Variants in PRSS38 observed in about 807,000 individuals in gnomAD.
PRSS38 encodes the protein serine protease 38, also known as marapsin 2.
A neutral mutation model predicts 26.8 loss-of-function variants in PRSS38; 22 were observed. The ratio of observed to expected loss-of-function variants is 0.82; its 90% confidence interval spans 0.59 to 1.17. PRSS38 has a LOEUF of 1.17. Among genes scored for constraint, PRSS38 ranks in the 50% most tolerant of loss-of-function variants. The pLI, the probability that PRSS38 is intolerant of heterozygous loss-of-function variation, is 0.00. For missense variants in PRSS38, 427 were observed against 422.7 expected (o/e 1.01, Z -0.09); for synonymous variants, 175 against 172.1 (o/e 1.02, Z -0.13).
chr1:227,832,764 A>G (rs936346277), intron 3 of PRSS38, among the ~76,000 whole-genome samples: 2 of 152,214 alleles, frequency 1.3e-5, no homozygotes, highest in African/African-American at 2.4e-5. Flanking sequence ...GAAAATCCCA[A>G]TGAATCCTAA....
At chr1:227,843,234 A>C (rs976610742) in intron 3 of PRSS38, among the ~76,000 whole-genome samples, 1 of 152,232 alleles carries the variant, frequency 6.6e-6, no homozygotes, top group Non-Finnish European at 1.5e-5. Flanking sequence ...GCTCCAGTCA[A>C]GGCCAGAAAA....
chr1:227,833,143 T>C (rs139494887), intron 3 of PRSS38, among the ~76,000 whole-genome samples: 50 of 152,308 alleles, frequency 3.3e-4, no homozygotes, highest in African/African-American at 1.1e-3. Flanking sequence ...CTTATCAAGA[T>C]ACCAATGCCC....
chr1:227,834,125 A>G (rs1665202617), intron 3 of PRSS38, among the ~76,000 whole-genome samples: 1 of 152,138 alleles, frequency 6.6e-6, no homozygotes, highest in South Asian at 2.1e-4. Context: ...TCTGGCAACC[A>G]CAAGAAGCTA....
exon 1 of PRSS38, chr1:227,815,803 G>T (rs1664901634): frequency 6.2e-7 from 1 of 1,612,300 alleles, no homozygotes; most frequent in Admixed American, 1.7e-5. Flanking sequence ...CCCCTCCCCG[G>T]GTCGCAGCAT....
chr1:227,841,730 A>C (rs1320099277), intron 3 of PRSS38, among the ~76,000 whole-genome samples: 1 of 152,028 alleles, frequency 6.6e-6, no homozygotes, highest in Non-Finnish European at 1.5e-5. Flanking sequence ...AGGACCACCC[A>C]CCTCCCAGTA....
intron 3 of PRSS38, among the ~76,000 whole-genome samples, chr1:227,822,141 TC>T (rs1665012115): frequency 6.6e-6 from 1 of 152,176 alleles, no homozygotes; most frequent in Admixed American, 6.6e-5. Context: ...AGTTTTCATT[TC>T]CATTATTTGC....
chr1:227,836,931 C>T (rs778962818), intron 3 of PRSS38, among the ~76,000 whole-genome samples: 2 of 152,234 alleles, frequency 1.3e-5, no homozygotes, highest in Non-Finnish European at 2.9e-5. Context: ...ATTCCAGATA[C>T]TATATTTCAT....
At chr1:227,818,571 A>G (rs558948245) in intron 3 of PRSS38, among the ~76,000 whole-genome samples, 2 of 150,590 alleles carry the variant, frequency 1.3e-5, no homozygotes, top group East Asian at 4.0e-4. Context: ...CCAGCTACTC[A>G]GGAGGCTAAC....
At chr1:227,837,836 C>T (rs1303035064) in intron 3 of PRSS38, among the ~76,000 whole-genome samples, 1 of 152,164 alleles carries the variant, frequency 6.6e-6, no homozygotes, top group Non-Finnish European at 1.5e-5. Context: ...GTAGGAGTTT[C>T]TTTATATATT....
At chr1:227,832,707 G>A (rs964064844) in intron 3 of PRSS38, among the ~76,000 whole-genome samples, 2 of 152,154 alleles carry the variant, frequency 1.3e-5, no homozygotes, top group African/African-American at 2.4e-5. Flanking sequence ...TGGAAATGCA[G>A]AAGTAAAACT....
intron 3 of PRSS38, among the ~76,000 whole-genome samples, chr1:227,829,045 G>A (rs1049996033): frequency 2.0e-5 from 3 of 152,138 alleles, no homozygotes; most frequent in Admixed American, 6.5e-5. Context: ...GGTCCATGTG[G>A]CTCCTGGGCA....
intron 3 of PRSS38, among the ~76,000 whole-genome samples, chr1:227,828,475 C>A (rs1215654713): frequency 6.6e-6 from 1 of 152,166 alleles, no homozygotes; most frequent in African/African-American, 2.4e-5. Flanking sequence ...GTGAGCCTCA[C>A]CTCCATGGCA....
intron 3 of PRSS38, among the ~76,000 whole-genome samples, chr1:227,828,295 G>A (rs1262202617): frequency 1.3e-5 from 2 of 152,188 alleles, no homozygotes; most frequent in Non-Finnish European, 2.9e-5. Context: ...GAGTGTTAAA[G>A]TATCCCACTA....
At chr1:227,825,349 G>A (rs1293812564) in intron 3 of PRSS38, among the ~76,000 whole-genome samples, 2 of 152,032 alleles carry the variant, frequency 1.3e-5, no homozygotes, top group African/African-American at 2.4e-5. Flanking sequence ...ATGCCACCAC[G>A]CCCAGCTAGT....
intron 3 of PRSS38, among the ~76,000 whole-genome samples, chr1:227,826,285 A>G (rs968782672): frequency 6.6e-6 from 1 of 152,178 alleles, no homozygotes; most frequent in South Asian, 2.1e-4. Flanking sequence ...TTTTGGGCTG[A>G]GATGATGGGG....
chr1:227,818,281 T>C (rs1444440356), intron 3 of PRSS38, among the ~76,000 whole-genome samples: 3 of 152,214 alleles, frequency 2.0e-5, no homozygotes, highest in African/African-American at 7.2e-5. Context: ...CTGATTTACT[T>C]AATTTTTAAA....
At chr1:227,835,476 C>A (rs1157491897) in intron 3 of PRSS38, among the ~76,000 whole-genome samples, 1 of 152,182 alleles carries the variant, frequency 6.6e-6, no homozygotes, top group African/African-American at 2.4e-5. Context: ...TAGGTATGTA[C>A]TCAAGGGATT....
intron 3 of PRSS38, among the ~76,000 whole-genome samples, chr1:227,829,243 A>G (rs925400772): frequency 6.6e-6 from 1 of 151,988 alleles, no homozygotes; most frequent in Non-Finnish European, 1.5e-5. Context: ...ACTAATTTTC[A>G]TTTCCACCAG....
At chr1:227,842,846 G>A (rs1207285560) in intron 3 of PRSS38, among the ~76,000 whole-genome samples, 1 of 151,986 alleles carries the variant, frequency 6.6e-6, no homozygotes, top group Non-Finnish European at 1.5e-5. Context: ...CAAAGTGCTG[G>A]GACTACAGGT....
Sources: allele counts gnomAD v4.1 joint callset (sites outside exome capture counted in the v4.1 genomes callset), GRCh38; gene constraint gnomAD v4.1.1; transcripts MANE v1.5; gene names NCBI Gene and HGNC (gene_info 2026-07-23, HGNC 2026-07-21).